SPO11: variants seen among roughly 807,000 people sequenced by gnomAD.
SPO11 encodes the protein meiotic recombination protein SPO11.
Under a neutral mutation model 51.6 loss-of-function variants are expected in SPO11, and 49 were observed. That is an observed-to-expected ratio of 0.95 (90% CI 0.75 to 1.20). The LOEUF (loss-of-function observed/expected upper bound fraction) is 1.20, where lower values mean the gene tolerates loss of function less well. Ranked by LOEUF, SPO11 falls within the 50% of genes most tolerant of loss-of-function variation. The pLI, the probability that SPO11 is intolerant of heterozygous loss-of-function variation, is 0.00. For synonymous variants in SPO11, 176 were observed against 158.2 expected (o/e 1.11, Z -0.84); for missense variants, 431 against 473.4 (o/e 0.91, Z 0.83).
At position 57,334,019 on chromosome 20, in the gene SPO11, G is replaced by T; in HGVS notation, c.434G>T (p.Gly145Val). Residue 145 changes from glycine to valine, a missense_variant, in exon 5 of 13, where the codon GGT (glycine) becomes GTT (valine). Around this residue, in one of 3 missense-constraint regions of SPO11, gnomAD observed 405 missense variants for 425.9 expected, o/e 0.95. Transcript: ENST00000371263. The stretch of plus-strand genomic sequence containing the variant: ...TATTACACTGACAGTCAACTCTTTG[G>T]TAACCAGACTGTCGTCGACAATATT... ...DIYYTDSQLF[G>V]NQTVVDNIIN... The T allele has an allele frequency of 6.3e-7, 1 of 1,585,926 alleles. No homozygotes were observed. The highest frequency in any genetic ancestry group is 8.6e-7 in the Non-Finnish European group (1 of 1,165,320).
intron 5 of SPO11, 29 bp from the exon 6 acceptor site, chr20:57,334,721 G>T (rs1441134468): frequency 6.4e-7 from 1 of 1,569,760 alleles, no homozygotes; most frequent in East Asian, 2.3e-5. Context: ...CGTGAAGCAG[G>T]TTTCAAATAT....
intron 11 of SPO11, among the ~76,000 whole-genome samples, chr20:57,341,933 C>A (rs1247873395): frequency 6.6e-6 from 1 of 152,144 alleles, no homozygotes; most frequent in African/African-American, 2.4e-5. Context: ...AAGGGAAATC[C>A]TCCAGGCCTC....
Position 57,331,941 on chromosome 20 carries a change from C to A in SPO11, c.240C>A (p.Asn80Lys), listed in dbSNP as rs867162347. The A allele has an allele frequency of 6.4e-7, 1 of 1,566,912 alleles. No individual in the cohort carries two copies. Among genetic ancestry groups the A allele is most frequent in the Non-Finnish European group, 8.7e-7 (1 of 1,156,014 alleles). The change falls in exon 2 of 13, where the codon AAC becomes AAA. Residue 80 changes from asparagine to lysine, a missense_variant. Around this residue, in one of 3 missense-constraint regions of SPO11, gnomAD observed 405 missense variants for 425.9 expected, o/e 0.95. Coordinates refer to ENST00000371263, the MANE Select transcript of SPO11 (RefSeq NM_012444.3). Reference sequence around the variant, plus strand: ...TAGACAACAGATCAAGCTGGGAAAACATAAAGTGGGCATTTTGCATTTTTA... The same window carrying A: ...TAGACAACAGATCAAGCTGGGAAAAAATAAAGTGGGCATTTTGCATTTTTA... ...FTIDNRSSWENIKFEDSVGLQ... is the reference protein window; with the variant it reads ...FTIDNRSSWEKIKFEDSVGLQ...
rs763545083 is a variant in SPO11, at chr20:57,333,296, C to A, written c.334+20C>A. The A allele has an allele frequency of 6.5e-7, 1 of 1,543,520 alleles. No homozygotes were observed. The highest frequency in any genetic ancestry group is 2.0e-5 in the Admixed American group (1 of 49,940). ...AATTTTGTAAGTTAATTGTTCTTAGCTTTTGGTAATAAAGGATAAATAAAT... is the reference window on the plus strand; with the variant it reads ...AATTTTGTAAGTTAATTGTTCTTAGATTTTGGTAATAAAGGATAAATAAAT... On this transcript the variant is annotated intron_variant, in intron 3 of 12. Coordinates refer to ENST00000371263, the MANE Select transcript of SPO11 (RefSeq NM_012444.3).
chr20:57,337,604 T>C lies in SPO11; in HGVS notation c.745-672T>C, dbSNP rs144372733. The stretch of plus-strand genomic sequence containing the variant: ...TGCGCCATTTTAAATAACACTTCAG[T>C]GAGCATCTTTAAATATGTAGGATGT... On this transcript the variant is annotated intron_variant, in intron 8 of 12. Transcript: ENST00000371263. The C allele has an allele frequency of 5.9e-3, 2,965 of 506,342 alleles. 72 individuals are homozygous for C. Among genetic ancestry groups the C allele is most frequent in the South Asian group, 0.037 (1,965 of 53,258 alleles). The allele number at this position is 506,342 out of a possible 1,614,324, so 31.4% of individuals were successfully genotyped here.
chr20:57,338,805 T>A (rs997304258), intron 9 of SPO11, among the ~76,000 whole-genome samples, 184 bp from the exon 10 acceptor site: 1 of 152,190 alleles, frequency 6.6e-6, no homozygotes, highest in Admixed American at 6.5e-5. Context: ...AATGATTACA[T>A]TAAAATTTGG....
chr20:57,333,329 T>C, intron 3 of SPO11, 53 bp downstream of exon 3: 2 of 1,301,478 alleles, frequency 1.5e-6, no homozygotes, highest in Admixed American at 2.3e-5. Flanking sequence ...AATTTTGTTA[T>C]CTTCTCAATT....
At position 57,343,950 on chromosome 20, in the gene SPO11, T is replaced by G. The variant is rs556891733; in HGVS notation, c.*490T>G. On this transcript the variant is annotated 3_prime_UTR_variant, in exon 13 of 13. Coordinates refer to ENST00000371263, the MANE Select transcript of SPO11 (RefSeq NM_012444.3). The stretch of plus-strand genomic sequence containing the variant: ...GGTCTTACTCCATTAATTCATTTGT[T>G]ACATTAGTAAAATTCAGTATGAATA... The G allele has an allele frequency of 6.6e-6, 1 of 152,412 alleles. No individual in the cohort carries two copies. Among genetic ancestry groups the G allele is most frequent in the South Asian group, 2.1e-4 (1 of 4,830 alleles). The allele number at this position is 152,412 out of a possible 1,614,324, so 9.4% of individuals were successfully genotyped here. A position where few individuals can be genotyped will look rare whatever the true frequency, so the allele number is the denominator to read the frequency against.
Position 57,343,503 on chromosome 20 carries a change from AGTTTT to A in SPO11, c.*50_*54del, listed in dbSNP as rs759136906. 3 of 1,557,962 alleles carry A rather than the reference AGTTTT, an allele frequency of 1.9e-6. No homozygotes were observed. The highest frequency in any genetic ancestry group is 2.5e-5 in the South Asian group (2 of 81,442). ...TTCTGATTGCCAGAGGCTTTTCATT[AGTTTT>A]GTTTTGATTGGCAAATACTATTGTG... On this transcript the variant is annotated 3_prime_UTR_variant, in exon 13 of 13. Coordinates refer to ENST00000371263, the MANE Select transcript of SPO11 (RefSeq NM_012444.3).
Position 57,337,401 on chromosome 20 carries a change from T to C in SPO11, c.745-875T>C, listed in dbSNP as rs28368089. Among the ~76,000 whole-genome samples, 273 of 152,320 alleles carry C rather than the reference T, an allele frequency of 1.8e-3. 3 individuals are homozygous for C. Among genetic ancestry groups the C allele is most frequent in the Middle Eastern group, 3.4e-3 (1 of 294 alleles). On this transcript the variant is annotated intron_variant, in intron 8 of 12. Transcript: ENST00000371263. ...TTCCTATAATAATCTCATATGTTGTTACAGAGCATCAAACCACAGAGTGGT... is the reference window on the plus strand; with the variant it reads ...TTCCTATAATAATCTCATATGTTGTCACAGAGCATCAAACCACAGAGTGGT...
intron 12 of SPO11, 44 bp from the exon 13 acceptor site, chr20:57,343,297 C>T: frequency 6.3e-7 from 1 of 1,590,388 alleles, no homozygotes; most frequent in East Asian, 2.3e-5. Context: ...GACAGAAATG[C>T]AACTAAGAAC....
At chr20:57,332,019 T>C (rs2066456303) in intron 2 of SPO11, 73 bp downstream of exon 2, 1 of 941,592 alleles carries the variant, frequency 1.1e-6, no homozygotes, top group Non-Finnish European at 1.5e-6. Flanking sequence ...ATTAGAGTTC[T>C]GGTCATATTT....
intron 1 of SPO11, 112 bp from the exon 2 acceptor site, chr20:57,331,721 T>C (rs546854487): frequency 5.2e-5 from 28 of 540,872 alleles, no homozygotes; most frequent in African/African-American, 4.9e-4. Context: ...TTACCTAGTC[T>C]TAAAAAAGAA....
At chr20:57,342,704 A>T in intron 11 of SPO11, 25 bp from the exon 12 acceptor site, 1 of 1,490,850 alleles carries the variant, frequency 6.7e-7, no homozygotes, top group African/African-American at 1.4e-5. Flanking sequence ...TTTTTTACTG[A>T]TTTTTTTCAC....
chr20:57,342,696 T>C (rs772310274), intron 11 of SPO11, 33 bp from the exon 12 acceptor site: 4 of 1,411,582 alleles, frequency 2.8e-6, no homozygotes, highest in East Asian at 2.3e-5. Flanking sequence ...AGAAACACTT[T>C]TTTACTGATT....
chr20:57,333,241 T>C lies in SPO11; in HGVS notation c.299T>C (p.Ile100Thr). 6.2e-7 allele frequency: 1 copy of C among 1,610,380 alleles called. No individual in the cohort carries two copies. The highest frequency in any genetic ancestry group is 8.5e-7 in the Non-Finnish European group (1 of 1,179,048). ...QMVSHCTTRK[I>T]KSDSPKSAQK... ...GTATCCCATTGCACCACCAGAAAGATCAAAAGTGATTCACCAAAATCAGCT... is the reference window on the plus strand; with the variant it reads ...GTATCCCATTGCACCACCAGAAAGACCAAAAGTGATTCACCAAAATCAGCT... Residue 100 changes from isoleucine (I) to threonine (T), a missense_variant, in exon 3 of 13, where the codon ATC (isoleucine) becomes ACC (threonine). Around this residue, in one of 3 missense-constraint regions of SPO11, gnomAD observed 405 missense variants for 425.9 expected, o/e 0.95. Coordinates refer to ENST00000371263, the MANE Select transcript of SPO11 (RefSeq NM_012444.3).
chr20:57,340,484 G>A (rs1413153241), intron 11 of SPO11, among the ~76,000 whole-genome samples: 5 of 152,038 alleles, frequency 3.3e-5, no homozygotes, highest in African/African-American at 7.2e-5. Context: ...ATTGTAGGCC[G>A]GGCACATGGT....
At position 57,339,973 on chromosome 20, in the gene SPO11, G is replaced by A. The variant is rs550869906; in HGVS notation, c.883-129G>A. The A allele has an allele frequency of 1.5e-4, 101 of 652,108 alleles. No homozygotes were observed. In the African/African-American group the frequency reaches 1.8e-3, roughly 11 times the overall value. 40.4% of individuals were successfully genotyped at this position (652,108 alleles called of 1,614,324 possible). A position where few individuals can be genotyped will look rare whatever the true frequency, so the allele number is the denominator to read the frequency against. ...CCCCTGATGGTTTTCTTACTTCTGT[G>A]GGCTCTGGGCATGTGAAGCCAGCTT... is the stretch of plus-strand genomic sequence containing the variant. On this transcript the variant is annotated intron_variant, in intron 10 of 12. Coordinates refer to ENST00000371263, the MANE Select transcript of SPO11 (RefSeq NM_012444.3).
intron 11 of SPO11, 129 bp downstream of exon 11, chr20:57,340,307 T>C: frequency 1.7e-6 from 1 of 572,088 alleles, no homozygotes; most frequent in Non-Finnish European, 3.1e-6. Context: ...CGATGACTTA[T>C]GATTATGTAA....
Sources: gnomAD v4.1 joint callset for allele counts (sites outside exome capture counted in the v4.1 genomes callset) on GRCh38, gnomAD v4.1.1 for gene constraint, gnomAD v4.1.1 regional missense constraint, MANE v1.5 for transcripts, NCBI Gene and HGNC (gene_info 2026-07-23, HGNC 2026-07-21) for gene names.